Variants in TAOK1 observed in about 807,000 individuals in gnomAD.
The protein encoded by TAOK1 is serine/threonine-protein kinase TAO1.
In TAOK1, 21 loss-of-function variants were observed where a neutral mutation model predicts 138.3. That is an observed-to-expected ratio of 0.15 (90% CI 0.11 to 0.22). TAOK1 has a LOEUF of 0.22. Among genes scored for constraint, TAOK1 ranks in the 10% least tolerant of loss-of-function variants. The pLI is 1.00. For missense variants in TAOK1, 651 were observed against 1,227.7 expected, an observed-to-expected ratio of 0.53 and a Z score of 7.02; for synonymous variants, 361 against 398.4, an observed-to-expected ratio of 0.91 and a Z score of 1.12.
intron 1 of TAOK1, among the ~76,000 whole-genome samples, chr17:29,432,685 G>A (rs1431104004): frequency 6.6e-6 from 1 of 152,014 alleles, no homozygotes; most frequent in Non-Finnish European, 1.5e-5. Flanking sequence ...ATGTTGACCA[G>A]GCTGGTCTTG....
intron 1 of TAOK1, among the ~76,000 whole-genome samples, chr17:29,410,639 T>G (rs1266399208): frequency 1.3e-5 from 2 of 149,332 alleles, no homozygotes; most frequent in South Asian, 2.1e-4. Context: ...TTTTTGGTTT[T>G]TTTTTTTGTT....
intron 2 of TAOK1, among the ~76,000 whole-genome samples, chr17:29,454,445 C>T (rs2030324052): frequency 6.6e-6 from 1 of 151,384 alleles, no homozygotes; most frequent in Admixed American, 6.6e-5. Flanking sequence ...TTTCTTATTA[C>T]CACTTTCCAG....
chr17:29,398,332 A>G (rs1904727222), intron 1 of TAOK1, among the ~76,000 whole-genome samples: 1 of 147,444 alleles, frequency 6.8e-6, no homozygotes. Context: ...TCAGCCTCCC[A>G]ACAGCTGGGA....
chr17:29,422,273 G>T (rs892370942), intron 1 of TAOK1, among the ~76,000 whole-genome samples: 1 of 151,232 alleles, frequency 6.6e-6, no homozygotes, highest in African/African-American at 2.4e-5. Context: ...GCGCAGTCTC[G>T]GCTCGCTGCC....
chr17:29,399,392 T>A (rs940457200), intron 1 of TAOK1, among the ~76,000 whole-genome samples: 1 of 152,216 alleles, frequency 6.6e-6, no homozygotes, highest in Non-Finnish European at 1.5e-5. Flanking sequence ...CTCGGCTCGC[T>A]GCAACCTCTG....
chr17:29,442,172 A>G (rs913575863), intron 1 of TAOK1, among the ~76,000 whole-genome samples: 6 of 151,830 alleles, frequency 4.0e-5, no homozygotes, highest in African/African-American at 1.4e-4. Context: ...CCTCCTCCCA[A>G]GTAGCTGGGA....
intron 8 of TAOK1, among the ~76,000 whole-genome samples, chr17:29,485,509 C>G (rs1395785002): frequency 2.9e-5 from 4 of 139,712 alleles, no homozygotes; most frequent in African/African-American, 4.9e-5. Flanking sequence ...ATGGTAACCC[C>G]ACACCTGTAG....
At chr17:29,464,194 G>A (rs964782986) in intron 2 of TAOK1, among the ~76,000 whole-genome samples, 4 of 151,978 alleles carry the variant, frequency 2.6e-5, no homozygotes, top group African/African-American at 9.7e-5. Context: ...CCAGCACTAT[G>A]GGAGGCCAAG....
chr17:29,508,527 C>T (rs551600049), intron 14 of TAOK1, among the ~76,000 whole-genome samples: 27 of 152,244 alleles, frequency 1.8e-4, no homozygotes, highest in African/African-American at 6.5e-4. Context: ...TTTGTAGTGT[C>T]ACAATAGGTA....
At chr17:29,407,390 G>C (rs1214371848) in intron 1 of TAOK1, among the ~76,000 whole-genome samples, 3 of 152,162 alleles carry the variant, frequency 2.0e-5, no homozygotes, top group Non-Finnish European at 4.4e-5. Flanking sequence ...CTCTCTTCCT[G>C]CTGCCTCCCT....
In TAOK1 at chr17:29,546,313, C is replaced by G. The variant is rs1271088231; in HGVS notation, c.*3291C>G. 1 of 152,012 alleles carries G rather than the reference C, an allele frequency of 6.6e-6. No homozygotes were observed. The highest frequency in any genetic ancestry group is 1.5e-5 in the Non-Finnish European group (1 of 67,942). The allele number at this position is 152,012 out of a possible 1,614,324, so 9.4% of individuals were successfully genotyped here. A position where few individuals can be genotyped will look rare whatever the true frequency, so the allele number is the denominator to read the frequency against. ...TCATGATTTTTGGTTGCCTAGACAT[C>G]AGGTAAACATTCAGTACACTAAAGA... On this transcript the variant is annotated 3_prime_UTR_variant, in exon 20 of 20. Transcript: ENST00000261716.
chr17:29,400,810 T>G (rs2153020079), intron 1 of TAOK1, among the ~76,000 whole-genome samples: 1 of 152,124 alleles, frequency 6.6e-6, no homozygotes, highest in East Asian at 1.9e-4. Flanking sequence ...TTCAATTTAG[T>G]GAGTCACAAT....
chr17:29,492,568 C>A (rs2559623), intron 10 of TAOK1, among the ~76,000 whole-genome samples: 130,778 of 151,882 alleles, frequency 0.86, 56,362 homozygotes, highest in Middle Eastern at 0.95. Context: ...TGAGGCAGGC[C>A]GATCGCGAAG....
In TAOK1 at chr17:29,545,947, G is replaced by A. The variant is rs747510479; in HGVS notation, c.*2925G>A. The A allele has an allele frequency of 1.2e-4, 18 of 151,976 alleles. No individual in the cohort carries two copies. Among genetic ancestry groups the A allele is most frequent in the Non-Finnish European group, 2.2e-4 (15 of 67,940 alleles). The allele number at this position is 151,976 out of a possible 1,614,324, so 9.4% of individuals were successfully genotyped here. A position where few individuals can be genotyped will look rare whatever the true frequency, so the allele number is the denominator to read the frequency against. ...GGCTGGCTGTAAAAAGTTCCTTGGG[G>A]TCACTCTATCTCACATTTTTTTTGG... is the stretch of plus-strand genomic sequence containing the variant. On this transcript the variant is annotated 3_prime_UTR_variant, in exon 20 of 20. Transcript: ENST00000261716.
At chr17:29,399,468 A>G (rs565366829) in intron 1 of TAOK1, among the ~76,000 whole-genome samples, 2,008 of 152,148 alleles carry the variant, frequency 0.013, 44 homozygotes, top group African/African-American at 0.046. Context: ...GGCGCCCGCC[A>G]CTATGCCTGG....
intron 1 of TAOK1, among the ~76,000 whole-genome samples, chr17:29,400,408 A>AC (rs35497584): frequency 6.6e-6 from 1 of 150,960 alleles, no homozygotes; most frequent in East Asian, 1.9e-4. Flanking sequence ...AAAAAAAAAA[A>AC]CAACAAATGA....
chr17:29,503,162 C>T (rs12601594), intron 13 of TAOK1, among the ~76,000 whole-genome samples: 24,757 of 151,658 alleles, frequency 0.16, 3,059 homozygotes, highest in East Asian at 0.66. Flanking sequence ...TTTGGGAGGC[C>T]GAAGCGGGCG....
chr17:29,529,483 G>C (rs1428883021), intron 17 of TAOK1, among the ~76,000 whole-genome samples: 1 of 152,100 alleles, frequency 6.6e-6, no homozygotes, highest in African/African-American at 2.4e-5. Context: ...AGTAAACCCA[G>C]CACTTCAGGA....
intron 8 of TAOK1, among the ~76,000 whole-genome samples, chr17:29,488,652 A>G (rs555868934): frequency 4.6e-5 from 7 of 151,432 alleles, no homozygotes; most frequent in African/African-American, 1.7e-4. Context: ...TTCGCCAAAT[A>G]TTTTCAGTCT....
Sources: allele counts gnomAD v4.1 joint callset (sites outside exome capture counted in the v4.1 genomes callset), GRCh38; gene constraint gnomAD v4.1.1; transcripts MANE v1.5; gene names NCBI Gene and HGNC (gene_info 2026-07-23, HGNC 2026-07-21).